CNTNAP2: variants seen among roughly 807,000 people sequenced by gnomAD.
CNTNAP2 encodes the protein contactin-associated protein-like 2.
CNTNAP2 carries 98 observed loss-of-function variants against 155.2 expected under a neutral mutation model. The ratio of observed to expected loss-of-function variants is 0.63; its 90% CI spans 0.54 to 0.75. The LOEUF (loss-of-function observed/expected upper bound fraction) is 0.75. Among genes scored for constraint, CNTNAP2 ranks in the 30% least tolerant of loss-of-function variants. CNTNAP2 has a pLI of 0.00. For synonymous variants in CNTNAP2, 651 were observed against 631.2 expected, an observed-to-expected ratio of 1.03 and a Z score of -0.47; for missense variants, 1,727 against 1,688.1, an observed-to-expected ratio of 1.02 and a Z score of -0.40.
At chr7:147,301,723 G>GA (rs1326413758) in intron 9 of CNTNAP2, among the ~76,000 whole-genome samples, 1 of 151,262 alleles carries the variant, frequency 6.6e-6, no homozygotes. Flanking sequence ...CAAGGTCCTA[G>GA]AAAAAATCCT....
At chr7:146,925,309 T>C (rs1429639780) in intron 3 of CNTNAP2, among the ~76,000 whole-genome samples, 1 of 152,058 alleles carries the variant, frequency 6.6e-6, no homozygotes, top group Non-Finnish European at 1.5e-5. Context: ...TAAATACATA[T>C]TATCAAAGTT....
intron 13 of CNTNAP2, among the ~76,000 whole-genome samples, chr7:147,740,061 T>A (rs934444827): frequency 1.3e-5 from 2 of 152,160 alleles, no homozygotes; most frequent in African/African-American, 2.4e-5. Context: ...GTGGGAATGC[T>A]GTCTTTCTCC....
intron 8 of CNTNAP2, among the ~76,000 whole-genome samples, chr7:147,250,616 A>C (rs185188592): frequency 2.5e-4 from 33 of 130,652 alleles, no homozygotes; most frequent in Middle Eastern, 4.1e-3. Context: ...CTTTCGGGGG[A>C]GGGAGAGCTT....
At chr7:146,717,047 A>G (rs747061905) in intron 1 of CNTNAP2, among the ~76,000 whole-genome samples, 14 of 151,956 alleles carry the variant, frequency 9.2e-5, no homozygotes, top group Non-Finnish European at 1.6e-4. Flanking sequence ...TGGTTGTGAA[A>G]TTGCCTCCGT....
chr7:147,530,753 C>G (rs182754261), intron 11 of CNTNAP2, among the ~76,000 whole-genome samples: 1 of 152,134 alleles, frequency 6.6e-6, no homozygotes, highest in Non-Finnish European at 1.5e-5. Flanking sequence ...CCTCACATTT[C>G]AAAACCAATC....
intron 1 of CNTNAP2, among the ~76,000 whole-genome samples, chr7:146,297,602 GT>G (rs1800534625): frequency 6.6e-6 from 1 of 152,096 alleles, no homozygotes; most frequent in Non-Finnish European, 1.5e-5. Context: ...TATAGAAAAA[GT>G]TTTGAAAGTT....
At chr7:147,620,079 A>C (rs561402222) in intron 12 of CNTNAP2, among the ~76,000 whole-genome samples, 1 of 152,348 alleles carries the variant, frequency 6.6e-6, no homozygotes, top group African/African-American at 2.4e-5. Context: ...CAAGGCCATC[A>C]AGGTAGTATG....
At chr7:148,198,197 A>T (rs997539250) in intron 18 of CNTNAP2, among the ~76,000 whole-genome samples, 53 of 152,318 alleles carry the variant, frequency 3.5e-4, no homozygotes, top group African/African-American at 1.2e-3. Context: ...ACCACCCCCC[A>T]TGGCAGCAGA....
chr7:146,256,546 A>AATTAATATAATACAATTAATATAAT (rs1799840463), intron 1 of CNTNAP2, among the ~76,000 whole-genome samples: 1 of 151,990 alleles, frequency 6.6e-6, no homozygotes, highest in Admixed American at 6.6e-5. Flanking sequence ...TTAATTATAC[A>AATTAATATAATACAATTAATATAAT]AAAATAATAC....
rs555689528 is a variant in CNTNAP2, at chr7:146,459,687, C to T, written c.98-314584C>T. ...GGTTTTAAAACACAAGGAGGGGCCA[C>T]TGGACAAGCGCGGTGCCTCACGCCT... On this transcript the variant is annotated intron_variant, in intron 1 of 23. Coordinates refer to ENST00000361727, the MANE Select transcript of CNTNAP2 (RefSeq NM_014141.6). Among the ~76,000 whole-genome samples the T allele has an allele frequency of 3.3e-4, 50 of 152,186 alleles. 1 individual carries two copies. The South Asian group carries it at 9.3e-3, about 28-fold the overall frequency.
chr7:147,849,975 C>T (rs540712780), intron 13 of CNTNAP2: 1 of 152,182 alleles, frequency 6.6e-6, no homozygotes, highest in Non-Finnish European at 1.5e-5. Context: ...AGATAACTAG[C>T]TGAGACTTCA....
chr7:146,577,649 A>G (rs1350096160), intron 1 of CNTNAP2, among the ~76,000 whole-genome samples: 1 of 152,000 alleles, frequency 6.6e-6, no homozygotes, highest in Non-Finnish European at 1.5e-5. Flanking sequence ...TAAAAATAAA[A>G]CTCTTGAATA....
chr7:147,604,700 G>A (rs772097103), intron 12 of CNTNAP2, among the ~76,000 whole-genome samples: 7 of 152,142 alleles, frequency 4.6e-5, no homozygotes, highest in Non-Finnish European at 7.4e-5. Context: ...GTAAATAATG[G>A]AACCAACCAA....
At chr7:148,067,592 T>C (rs1039209358) in intron 15 of CNTNAP2, among the ~76,000 whole-genome samples, 9 of 152,236 alleles carry the variant, frequency 5.9e-5, no homozygotes, top group Non-Finnish European at 1.2e-4. Flanking sequence ...TGCTAGCAGT[T>C]AGTTGGCCTC....
intron 4 of CNTNAP2, among the ~76,000 whole-genome samples, chr7:147,096,226 A>G (rs1800529215): frequency 6.6e-6 from 1 of 152,204 alleles, no homozygotes; most frequent in African/African-American, 2.4e-5. Context: ...GAAGACATAA[A>G]TGTGGGCCAG....
intron 9 of CNTNAP2, among the ~76,000 whole-genome samples, chr7:147,346,657 T>A (rs969922264): frequency 6.6e-6 from 1 of 152,200 alleles, no homozygotes; most frequent in African/African-American, 2.4e-5. Context: ...TTCATGTTAA[T>A]TTTATCTCAG....
chr7:147,344,423 GA>G (rs138106557), intron 9 of CNTNAP2, among the ~76,000 whole-genome samples: 5 of 151,362 alleles, frequency 3.3e-5, no homozygotes, highest in Admixed American at 1.3e-4. Flanking sequence ...GTAACACTAG[GA>G]AAAAAAAATG....
intron 4 of CNTNAP2, among the ~76,000 whole-genome samples, chr7:147,058,950 G>A (rs969389636): frequency 6.6e-6 from 1 of 152,184 alleles, no homozygotes; most frequent in Non-Finnish European, 1.5e-5. Context: ...ATGCAGGCCT[G>A]ATTGTGTGTT....
chr7:147,688,883 A>G (rs1796051388), intron 13 of CNTNAP2, among the ~76,000 whole-genome samples: 1 of 152,168 alleles, frequency 6.6e-6, no homozygotes. Flanking sequence ...TACACATGTC[A>G]GCATTCTGAG....
Sources: allele counts gnomAD v4.1 joint callset (sites outside exome capture counted in the v4.1 genomes callset), GRCh38; gene constraint gnomAD v4.1.1; transcripts MANE v1.5; gene names NCBI Gene and HGNC (gene_info 2026-07-23, HGNC 2026-07-21).